Variants in TRIM34 observed in about 807,000 individuals in gnomAD.
TRIM34 encodes E3 ubiquitin-protein ligase TRIM34.
A neutral mutation model predicts 38.1 loss-of-function variants in TRIM34; 41 were observed. That is an observed-to-expected ratio of 1.08 (90% CI 0.84 to 1.40). The LOEUF (loss-of-function observed/expected upper bound fraction) is 1.40, where lower values mean the gene tolerates loss of function less well. TRIM34 is among the 40% of genes most tolerant of loss of function. The probability of loss-of-function intolerance (pLI) is 0.00; values close to 1 mark genes in which losing one functional copy is unlikely to be tolerated. For missense variants in TRIM34, 556 were observed against 571.4 expected (o/e 0.97, Z 0.27); for synonymous variants, 200 against 202.5 (o/e 0.99, Z 0.10).
At chr11:5,630,022 C>T (rs536056261) in intron 1 of TRIM34, among the ~76,000 whole-genome samples, 3 of 152,124 alleles carry the variant, frequency 2.0e-5, no homozygotes, top group Admixed American at 1.3e-4. Context: ...AGGATTCTTA[C>T]GGTGGTACAA....
At chr11:5,623,332 C>G (rs141473602), upstream of TRIM34, among the ~76,000 whole-genome samples, 376 of 151,664 alleles carry the variant, frequency 2.5e-3, 9 homozygotes, top group Non-Finnish European at 3.1e-4. Context: ...AATTGCGGTT[C>G]TTGCTATTAT....
upstream of TRIM34, among the ~76,000 whole-genome samples, chr11:5,621,939 T>A (rs1280980385): frequency 6.6e-6 from 1 of 152,168 alleles, no homozygotes; most frequent in East Asian, 1.9e-4. Flanking sequence ...CAAGTTGTGC[T>A]CTGATCACCT....
rs1850140336 is a variant in TRIM34, at chr11:5,644,155, A to C, written c.*446A>C. 1 of 400,178 alleles carries C rather than the reference A, an allele frequency of 2.5e-6. No homozygotes were observed. Among genetic ancestry groups the C allele is most frequent in the African/African-American group, 2.1e-5 (1 of 48,646 alleles). 24.8% of individuals were successfully genotyped at this position (400,178 alleles called of 1,614,324 possible). On this transcript the variant is annotated 3_prime_UTR_variant, in exon 8 of 8. Transcript: ENST00000429814. ...TACATCAAGGAATCAAGGAGAGGAA[A>C]ATATGAGCAATATGTGTATTCAGAG...
intron 4 of TRIM34, among the ~76,000 whole-genome samples, chr11:5,635,254 A>ATTTT (rs35208771): frequency 2.3e-5 from 3 of 128,320 alleles, no homozygotes; most frequent in African/African-American, 5.8e-5. Context: ...TTCCCTGTTA[A>ATTTT]TTTTTTTTTT....
intron 3 of TRIM34, 84 bp from the exon 4 acceptor site, chr11:5,634,547 A>G: frequency 2.1e-6 from 2 of 965,758 alleles, no homozygotes; most frequent in Non-Finnish European, 3.0e-6. Context: ...ATATATATAT[A>G]TTTCCCTACT....
intron 2 of TRIM34, among the ~76,000 whole-genome samples, chr11:5,633,442 T>C (rs530189978): frequency 6.6e-6 from 1 of 152,342 alleles, no homozygotes; most frequent in Admixed American, 6.5e-5. Context: ...GTATAAGTGA[T>C]AAATTCCTTC....
intron 4 of TRIM34, among the ~76,000 whole-genome samples, chr11:5,638,694 G>T (rs1453519332): frequency 6.6e-6 from 1 of 152,182 alleles, no homozygotes. Context: ...CAATATGGCT[G>T]GAGAACAGCT....
At chr11:5,623,453 C>T (rs1043382457), upstream of TRIM34, among the ~76,000 whole-genome samples, 4 of 151,676 alleles carry the variant, frequency 2.6e-5, no homozygotes, top group Admixed American at 6.6e-5. Flanking sequence ...CTGCAACCTC[C>T]GCCTCCCGGG....
In TRIM34 at chr11:5,630,103, C is replaced by G. The variant is rs930351966; in HGVS notation, c.-77-2152C>G. ...TAAATCTTACATCAACGGATTGATT[C>G]CCTTGTAAAGACCATGAACATAGCT... On this transcript the variant is annotated intron_variant, in intron 1 of 7. Transcript: ENST00000429814. Among the ~76,000 whole-genome samples, 3 of 152,108 alleles carry G rather than the reference C, an allele frequency of 2.0e-5. No individual in the cohort carries two copies. In the East Asian group the frequency reaches 5.8e-4, roughly 29 times the overall value.
intron 4 of TRIM34, among the ~76,000 whole-genome samples, chr11:5,637,964 G>A (rs997659451): frequency 2.6e-5 from 4 of 152,254 alleles, no homozygotes; most frequent in East Asian, 3.9e-4. Context: ...ATAACACCTG[G>A]AATTACTCTT....
At position 5,641,234 on chromosome 11, in the gene TRIM34, G is replaced by C. The variant is rs200519442; in HGVS notation, c.773+45G>C. 10 of 1,613,368 alleles carry C rather than the reference G, an allele frequency of 6.2e-6. No individual in the cohort carries two copies. The East Asian group carries it at 2.0e-4, about 32-fold the overall frequency. On this transcript the variant is annotated intron_variant, in intron 5 of 7. Transcript: ENST00000429814. Reference sequence around the variant, plus strand: ...AGTGGTGCTTGTGAGTTATAAAGAAGTGTTTGTAGCTATTAGAGTTATTTG... The same window carrying C: ...AGTGGTGCTTGTGAGTTATAAAGAACTGTTTGTAGCTATTAGAGTTATTTG...
Position 5,632,272 on chromosome 11 carries a change from A to G in TRIM34, c.-60A>G. On this transcript the variant is annotated 5_prime_UTR_variant, in exon 2 of 8. Transcript: ENST00000429814. ...CTTCTCAGCCATCCAGGGGTCTTTAACCAGAAGAGAGAGGAGAGCCTCAGG... is the reference window on the plus strand; with the variant it reads ...CTTCTCAGCCATCCAGGGGTCTTTAGCCAGAAGAGAGAGGAGAGCCTCAGG... 1 of 1,609,652 alleles carries G rather than the reference A, an allele frequency of 6.2e-7. No individual in the cohort carries two copies. Among genetic ancestry groups the G allele is most frequent in the Non-Finnish European group, 8.5e-7 (1 of 1,178,178 alleles).
At chr11:5,640,057 A>T (rs923927371) in intron 4 of TRIM34, among the ~76,000 whole-genome samples, 1 of 152,216 alleles carries the variant, frequency 6.6e-6, no homozygotes, top group African/African-American at 2.4e-5. Context: ...CTGTTGTGGT[A>T]TCAAATACTA....
At chr11:5,637,008 T>C (rs965703030) in intron 4 of TRIM34, among the ~76,000 whole-genome samples, 14 of 152,140 alleles carry the variant, frequency 9.2e-5, no homozygotes, top group African/African-American at 3.1e-4. Context: ...TAGCCGGGCA[T>C]TTTATAATAT....
upstream of TRIM34, among the ~76,000 whole-genome samples, chr11:5,622,906 GTT>G (rs1849043053): frequency 6.6e-6 from 1 of 152,186 alleles, no homozygotes; most frequent in African/African-American, 2.4e-5. Flanking sequence ...GCACAGCTTG[GTT>G]TTATACATTT....
At chr11:5,633,674 C>A in intron 2 of TRIM34, 130 bp from the exon 3 acceptor site, 1 of 865,418 alleles carries the variant, frequency 1.2e-6, no homozygotes, top group Non-Finnish European at 1.7e-6. Flanking sequence ...GTCATAGATT[C>A]TAATCACCAG....
upstream of TRIM34, among the ~76,000 whole-genome samples, chr11:5,622,479 G>A (rs1196263203): frequency 1.4e-5 from 2 of 139,926 alleles, no homozygotes; most frequent in African/African-American, 5.2e-5. Flanking sequence ...AAAATTAGCT[G>A]GACGTGGTGG....
Position 5,642,389 on chromosome 11 carries a change from A to C in TRIM34, c.774-17A>C, listed in dbSNP as rs909980515. 3 of 1,609,476 alleles carry C rather than the reference A, an allele frequency of 1.9e-6. No individual in the cohort carries two copies. Among genetic ancestry groups the C allele is most frequent in the Non-Finnish European group, 2.5e-6 (3 of 1,178,646 alleles). ...GGATGAGAGATGTGGGGGTCAAAAAATTTTTTTCATCCCTAGGAGTGAGAT... is the reference window on the plus strand; with the variant it reads ...GGATGAGAGATGTGGGGGTCAAAAACTTTTTTTCATCCCTAGGAGTGAGAT... On this transcript the variant is annotated splice_polypyrimidine_tract_variant and intron_variant, in intron 5 of 7. Coordinates refer to ENST00000429814, the MANE Select transcript of TRIM34 (RefSeq NM_021616.6).
At chr11:5,620,942 C>T (rs1209339304), upstream of TRIM34, among the ~76,000 whole-genome samples, 1 of 152,202 alleles carries the variant, frequency 6.6e-6, no homozygotes, top group Non-Finnish European at 1.5e-5. Context: ...TGCTTCTAAA[C>T]TAGTAAAGCA....
Sources: allele counts gnomAD v4.1 joint callset (sites outside exome capture counted in the v4.1 genomes callset), GRCh38; gene constraint gnomAD v4.1.1; transcripts MANE v1.5; gene names NCBI Gene and HGNC (gene_info 2026-07-23, HGNC 2026-07-21).